Variants in TTK observed in about 807,000 individuals in gnomAD.
TTK encodes the protein TTK protein kinase.
A neutral mutation model predicts 117.3 loss-of-function variants in TTK; 59 were observed. That is an observed-to-expected ratio of 0.50 (90% CI 0.41 to 0.62). The LOEUF is 0.62. Among genes scored for constraint, TTK ranks in the 20% least tolerant of loss-of-function variants. The pLI, the probability that TTK is intolerant of heterozygous loss-of-function variation, is 0.00. For synonymous variants in TTK, 302 were observed against 325.0 expected, an observed-to-expected ratio of 0.93 and a Z score of 0.76; for missense variants, 921 against 989.4, an observed-to-expected ratio of 0.93 and a Z score of 0.93.
chr6:80,025,745 C>T (rs1377273506), intron 11 of TTK, among the ~76,000 whole-genome samples: 2 of 152,134 alleles, frequency 1.3e-5, no homozygotes, highest in Admixed American at 6.5e-5. Context: ...CAAAAATAGG[C>T]AGGCAGCAGG....
intron 16 of TTK, 93 bp downstream of exon 16, chr6:80,035,510 A>G (rs1422946173): frequency 6.3e-6 from 8 of 1,262,438 alleles, no homozygotes; most frequent in Non-Finnish European, 8.5e-6. Context: ...GGCATTGGTT[A>G]TTGGTGTCTT....
chr6:80,036,149 T>G (rs920598555), intron 16 of TTK, among the ~76,000 whole-genome samples: 2 of 152,040 alleles, frequency 1.3e-5, no homozygotes, highest in African/African-American at 4.8e-5. Flanking sequence ...CTGGCTTCAA[T>G]TCTAACTGTC....
At chr6:80,039,132 CTA>C (rs1767981045) in intron 18 of TTK, among the ~76,000 whole-genome samples, 2 of 152,154 alleles carry the variant, frequency 1.3e-5, no homozygotes, top group African/African-American at 4.8e-5. Flanking sequence ...TTAGATATAA[CTA>C]TTCTATTTAA....
chr6:80,016,951 G>A (rs1273482699), intron 10 of TTK, among the ~76,000 whole-genome samples: 2 of 152,222 alleles, frequency 1.3e-5, no homozygotes, highest in African/African-American at 4.8e-5. Flanking sequence ...AGATTCCTCT[G>A]GTGCCTGCTA....
chr6:80,017,467 T>C (rs558508456), intron 10 of TTK, among the ~76,000 whole-genome samples: 81 of 152,182 alleles, frequency 5.3e-4, no homozygotes, highest in African/African-American at 1.9e-3. Flanking sequence ...TTTGTAGAGA[T>C]GGAGTCTTGC....
At chr6:80,006,613 T>G (rs1484353298) in intron 2 of TTK, among the ~76,000 whole-genome samples, 1 of 152,138 alleles carries the variant, frequency 6.6e-6, no homozygotes, top group African/African-American at 2.4e-5. Flanking sequence ...TATGCTACAT[T>G]GTAATGCATG....
chr6:80,011,761 G>T lies in TTK; in HGVS notation c.761G>T (p.Gly254Val). The change falls in exon 7 of 22, where the codon GGT (glycine) becomes GTT (valine). Residue 254 changes from glycine (G) to valine (V), a missense_variant. Transcript: ENST00000369798. ...ATGCCACCACAAGATGCAGAAATAG[G>T]TTACCGGAATTCATTGAGACAAACT... ...ENMPPQDAEI[G>V]YRNSLRQTNK... 2 of 1,612,750 alleles carry T rather than the reference G, an allele frequency of 1.2e-6. No homozygotes were observed. The highest frequency in any genetic ancestry group is 1.7e-6 in the Non-Finnish European group (2 of 1,179,184).
chr6:80,024,701 A>G (rs541621320), intron 11 of TTK, among the ~76,000 whole-genome samples: 206 of 152,304 alleles, frequency 1.4e-3, no homozygotes, highest in South Asian at 3.3e-3. Context: ...GCTGTGAACC[A>G]CTGAGCAACT....
chr6:80,031,517 T>G lies in TTK; in HGVS notation c.1572T>G (p.Ile524Met). Residue 524 changes from isoleucine (I) to methionine (M), a missense_variant, in exon 14 of 22, where the codon ATT becomes ATG. Physicochemically the swap from Ile to Met is conservative, Grantham distance 10. Transcript: ENST00000369798. ...ANECISVKGR[I>M]YSILKQIGSG... is the part of the protein sequence containing the mutation. The stretch of plus-strand genomic sequence containing the variant: ...AATGCATTTCGGTTAAAGGAAGAAT[T>G]TATTCCATATTAAAGCAGATAGGAA... 1 of 1,534,304 alleles carries G rather than the reference T, an allele frequency of 6.5e-7. No individual in the cohort carries two copies. The highest frequency in any genetic ancestry group is 8.7e-7 in the Non-Finnish European group (1 of 1,147,224).
intron 8 of TTK, among the ~76,000 whole-genome samples, chr6:80,012,672 A>G (rs567434860): frequency 1.3e-5 from 2 of 152,058 alleles, no homozygotes; most frequent in African/African-American, 2.4e-5. Context: ...TTTCATTACT[A>G]TCTTTTATAA....
chr6:80,042,154 T>A lies in TTK; in HGVS notation c.2526T>A (p.His842Gln), dbSNP rs1373913644. 1 of 1,603,476 alleles carries A rather than the reference T, an allele frequency of 6.2e-7. No homozygotes were observed. The highest frequency in any genetic ancestry group is 1.7e-5 in the Admixed American group (1 of 59,212). ...AACACTATAGTGGTGGTGAAAGTCA[T>A]AATTCTTCATCCTCCAAGACTTTTG... Reference protein sequence around the residue: ...LYEHYSGGESHNSSSSKTFEK... With the variant: ...LYEHYSGGESQNSSSSKTFEK... Residue 842 changes from histidine to glutamine, a missense_variant, in exon 22 of 22, where the codon CAT (histidine) becomes CAA (glutamine). His to Gln is a conservative substitution (Grantham distance 24). Coordinates refer to ENST00000369798, the MANE Select transcript of TTK (RefSeq NM_003318.5).
chr6:80,014,844 T>C (rs1767263312), intron 10 of TTK, among the ~76,000 whole-genome samples: 1 of 152,062 alleles, frequency 6.6e-6, no homozygotes, highest in Non-Finnish European at 1.5e-5. Flanking sequence ...TCAGTTGGCT[T>C]GACAAATACT....
intron 17 of TTK, among the ~76,000 whole-genome samples, chr6:80,037,242 G>A (rs1767928565): frequency 6.6e-6 from 1 of 152,068 alleles, no homozygotes. Context: ...GAGTAAAATA[G>A]ACTTTGTTAG....
chr6:80,027,746 A>T (rs1291954876), intron 12 of TTK, 139 bp from the exon 13 acceptor site: 1 of 514,300 alleles, frequency 1.9e-6, no homozygotes, highest in Non-Finnish European at 3.2e-6. Context: ...AATAAGTGTC[A>T]GCTATATCAT....
chr6:80,022,238 A>G (rs1582099423), intron 10 of TTK, 86 bp from the exon 11 acceptor site: 1 of 1,369,338 alleles, frequency 7.3e-7, no homozygotes, highest in East Asian at 2.3e-5. Context: ...AAATACTCAT[A>G]TAGTTTGTAA....
At position 80,011,502 on chromosome 6, in the gene TTK, A is replaced by C; in HGVS notation, c.682A>C (p.Ser228Arg). The C allele has an allele frequency of 6.2e-7, 1 of 1,610,520 alleles. No individual in the cohort carries two copies. The highest frequency in any genetic ancestry group is 8.5e-7 in the Non-Finnish European group (1 of 1,178,524). ...SLGHLQNRNNSCDSRGQTTKA... is the reference protein window; with the variant it reads ...SLGHLQNRNNRCDSRGQTTKA... ...TGGGCATTTACAGAATAGGAACAAC[A>C]GTTGTGATTCCAGAGGACAGACTAC... Residue 228 changes from serine (S) to arginine (R), a missense_variant, in exon 6 of 22, where the codon AGT becomes CGT. Ser to Arg is a moderately radical substitution (Grantham distance 110, BLOSUM62 -1). Transcript: ENST00000369798.
At chr6:80,030,340 A>G (rs1262283802) in intron 13 of TTK, among the ~76,000 whole-genome samples, 5 of 152,318 alleles carry the variant, frequency 3.3e-5, no homozygotes, top group East Asian at 1.9e-4. Context: ...GGCTGGTTGT[A>G]TAGTACATCA....
chr6:80,038,560 C>T (rs771513407), intron 18 of TTK, among the ~76,000 whole-genome samples: 19 of 152,182 alleles, frequency 1.2e-4, no homozygotes, highest in African/African-American at 4.6e-4. Context: ...TAGACAGTGC[C>T]TATTGTAAAA....
Position 80,028,022 on chromosome 6 carries a change from CT to C in TTK, c.1521+14del. ...CTTCAAAATTTACAGGTTCGATAAG[CT>C]TTATATATGATGGTATATGTTAAGA... On this transcript the variant is annotated intron_variant, in intron 13 of 21. Transcript: ENST00000369798. 2 of 1,589,044 alleles carry C rather than the reference CT, an allele frequency of 1.3e-6. No individual in the cohort carries two copies. Among genetic ancestry groups the C allele is most frequent in the Non-Finnish European group, 1.7e-6 (2 of 1,168,968 alleles).
Sources: allele counts gnomAD v4.1 joint callset (sites outside exome capture counted in the v4.1 genomes callset), GRCh38; gene constraint gnomAD v4.1.1; transcripts MANE v1.5; gene names NCBI Gene and HGNC (gene_info 2026-07-23, HGNC 2026-07-21).